Variants in PTPRK observed in about 807,000 individuals in gnomAD.
The protein encoded by PTPRK is protein tyrosine phosphatase receptor type K.
PTPRK carries 75 observed loss-of-function variants against 178.0 expected under a neutral mutation model. The observed-to-expected ratio is 0.42, with a 90% CI of 0.35 to 0.51. PTPRK has a LOEUF of 0.51. Ranked by LOEUF, PTPRK falls within the 20% of genes least tolerant of loss-of-function variation. PTPRK has a pLI of 0.02. For missense variants in PTPRK, 1,441 were observed against 1,797.8 expected (o/e 0.80, Z 3.59); for synonymous variants, 637 against 620.6 (o/e 1.03, Z -0.39).
intron 5 of PTPRK, among the ~76,000 whole-genome samples, chr6:128,238,491 A>G (rs946985086): frequency 1.3e-5 from 2 of 152,194 alleles, no homozygotes; most frequent in Non-Finnish European, 2.9e-5. Flanking sequence ...ATCCTGAGGC[A>G]TAAAACCAAG....
chr6:128,345,000 G>C (rs918533363), intron 2 of PTPRK, among the ~76,000 whole-genome samples: 1 of 151,018 alleles, frequency 6.6e-6, no homozygotes, highest in African/African-American at 2.4e-5. Context: ...AGGAGAATGG[G>C]GGGGGAAAGT....
intron 1 of PTPRK, among the ~76,000 whole-genome samples, chr6:128,420,917 A>G (rs1248198533): frequency 6.6e-6 from 1 of 152,214 alleles, no homozygotes; most frequent in African/African-American, 2.4e-5. Context: ...TAAAATGACG[A>G]AATTCAATTT....
chr6:128,517,375 C>G (rs1014159430), intron 1 of PTPRK, among the ~76,000 whole-genome samples: 1 of 152,180 alleles, frequency 6.6e-6, no homozygotes, highest in Non-Finnish European at 1.5e-5. Flanking sequence ...CGTCAGTCAT[C>G]TAAGTCCTTC....
In PTPRK at chr6:128,493,293, T is replaced by C. The variant is rs572075011; in HGVS notation, c.100+26966A>G. ...CCCCCCGCTAACTGGCTGGGCGCGG[T>C]GGCTCACGCCTGCAATCCCAGCACT... On this transcript the variant is annotated intron_variant, in intron 1 of 29. Transcript: ENST00000368226. 5.3e-5 allele frequency among the ~76,000 whole-genome samples: 8 copies of C among 152,298 alleles called. No individual in the cohort carries two copies. The East Asian group carries it at 1.2e-3, about 22-fold the overall frequency.
intron 1 of PTPRK, among the ~76,000 whole-genome samples, chr6:128,421,042 A>G (rs577863867): frequency 5.3e-5 from 8 of 152,170 alleles, no homozygotes; most frequent in African/African-American, 1.9e-4. Context: ...ATTAGCTTCT[A>G]GTTGCTTATA....
At chr6:128,491,451 TCA>T (rs1853759127) in intron 1 of PTPRK, among the ~76,000 whole-genome samples, 2 of 152,212 alleles carry the variant, frequency 1.3e-5, no homozygotes, top group Non-Finnish European at 2.9e-5. Context: ...TTTTTGTGTC[TCA>T]GGATTATGTG....
intron 3 of PTPRK, among the ~76,000 whole-genome samples, chr6:128,262,127 T>G (rs1474659140): frequency 1.3e-5 from 2 of 152,186 alleles, no homozygotes; most frequent in African/African-American, 4.8e-5. Context: ...TTTCCAGGTT[T>G]GGATTCATCC....
At chr6:128,056,288 C>A (rs1402952954) in intron 13 of PTPRK, among the ~76,000 whole-genome samples, 1 of 152,092 alleles carries the variant, frequency 6.6e-6, no homozygotes, top group African/African-American at 2.4e-5. Flanking sequence ...GGTCAGATTT[C>A]TATACTTACT....
intron 2 of PTPRK, among the ~76,000 whole-genome samples, chr6:128,373,878 A>G (rs1259858995): frequency 6.6e-6 from 1 of 152,122 alleles, no homozygotes. Flanking sequence ...TGTTTCTATT[A>G]ATATTTGATT....
chr6:128,432,619 A>G (rs1210700497), intron 1 of PTPRK, among the ~76,000 whole-genome samples: 1 of 152,144 alleles, frequency 6.6e-6, no homozygotes. Context: ...TGAGTCATCA[A>G]TTCCAGATTT....
In PTPRK at chr6:128,192,459, A is replaced by G. The variant is rs138139118; in HGVS notation, c.869-7734T>C. ...TTAGCGCCTGACAAAGTTCAATACT[A>G]TTATTATAGAATGAATGACTGCCTT... is the stretch of plus-strand genomic sequence containing the variant. On this transcript the variant is annotated intron_variant, in intron 6 of 29. Coordinates refer to ENST00000368226, the MANE Select transcript of PTPRK (RefSeq NM_002844.4). 3.3e-3 allele frequency among the ~76,000 whole-genome samples: 497 copies of G among 152,220 alleles called. 2 individuals carry two copies. The highest frequency in any genetic ancestry group is 0.011 in the African/African-American group (466 of 41,542).
intron 7 of PTPRK, among the ~76,000 whole-genome samples, chr6:128,119,708 C>T (rs556829675): frequency 3.9e-5 from 6 of 152,076 alleles, no homozygotes; most frequent in African/African-American, 1.4e-4. Flanking sequence ...ACATTAACTC[C>T]AGGATATCAT....
chr6:128,350,611 TA>T (rs1452098755), intron 2 of PTPRK, among the ~76,000 whole-genome samples: 1 of 152,212 alleles, frequency 6.6e-6, no homozygotes, highest in East Asian at 1.9e-4. Context: ...GCTTTGTAAA[TA>T]TTTAAGCCAA....
intron 7 of PTPRK, among the ~76,000 whole-genome samples, chr6:128,160,078 G>A (rs372591949): frequency 5.3e-5 from 8 of 151,480 alleles, no homozygotes; most frequent in African/African-American, 1.9e-4. Flanking sequence ...GAAAGCTCAC[G>A]TAACTTAAAA....
intron 6 of PTPRK, among the ~76,000 whole-genome samples, chr6:128,202,349 C>T (rs776786459): frequency 6.6e-6 from 1 of 152,176 alleles, no homozygotes; most frequent in Non-Finnish European, 1.5e-5. Flanking sequence ...ATCAGGAGAT[C>T]CCCTTGTAAG....
At chr6:128,451,783 T>C (rs933770317) in intron 1 of PTPRK, among the ~76,000 whole-genome samples, 9 of 152,170 alleles carry the variant, frequency 5.9e-5, no homozygotes, top group African/African-American at 1.2e-4. Flanking sequence ...CACATAAACC[T>C]AAGTTATTTT....
At chr6:128,037,936 T>C (rs141805847) in intron 13 of PTPRK, among the ~76,000 whole-genome samples, 37 of 152,296 alleles carry the variant, frequency 2.4e-4, no homozygotes, top group African/African-American at 8.2e-4. Context: ...ATATTGAGAG[T>C]AAAACTGAAT....
intron 2 of PTPRK, among the ~76,000 whole-genome samples, chr6:128,394,123 C>T (rs1839978300): frequency 6.6e-6 from 1 of 152,168 alleles, no homozygotes; most frequent in African/African-American, 2.4e-5. Flanking sequence ...GTATATAATA[C>T]ATACTCTCTT....
chr6:128,215,206 A>G (rs1809041252), intron 6 of PTPRK, among the ~76,000 whole-genome samples: 1 of 152,210 alleles, frequency 6.6e-6, no homozygotes, highest in Non-Finnish European at 1.5e-5. Context: ...AGAATTTTAT[A>G]GAAGTTTTAC....
Sources: gnomAD v4.1 joint callset for allele counts (sites outside exome capture counted in the v4.1 genomes callset) on GRCh38, gnomAD v4.1.1 for gene constraint, MANE v1.5 for transcripts, NCBI Gene and HGNC (gene_info 2026-07-23, HGNC 2026-07-21) for gene names.